The following ATP11A variants were observed in gnomAD, a reference collection of about 807,000 sequenced individuals.
ATP11A encodes the protein ATPase phospholipid transporting 11A.
ATP11A carries 81 observed loss-of-function variants against 154.4 expected under a neutral mutation model. The ratio of observed to expected loss-of-function variants is 0.52; its 90% CI spans 0.44 to 0.63. ATP11A has a LOEUF of 0.63. ATP11A is among the 30% of genes least tolerant of loss of function. The pLI is 0.00. For missense variants in ATP11A, 1,316 were observed against 1,474.3 expected (o/e 0.89, Z 1.76); for synonymous variants, 623 against 585.9 (o/e 1.06, Z -0.91).
intron 1 of ATP11A, among the ~76,000 whole-genome samples, chr13:112,780,223 TG>T (rs2077464025): frequency 6.6e-6 from 1 of 152,162 alleles, no homozygotes; most frequent in African/African-American, 2.4e-5. Context: ...TGGTTCCAAC[TG>T]GAAAATATTC....
Position 112,724,225 on chromosome 13 carries a change from C to T in ATP11A, c.39+33770C>T, listed in dbSNP as rs1373805340. On this transcript the variant is annotated intron_variant, in intron 1 of 29. Transcript: ENST00000375645. ...CATCGCCCCATTCCGACACTGCATGCCCTGAGTTCAAGTGGACCCCACAGG... is the reference window on the plus strand; with the variant it reads ...CATCGCCCCATTCCGACACTGCATGTCCTGAGTTCAAGTGGACCCCACAGG... 2.0e-5 allele frequency among the ~76,000 whole-genome samples: 3 copies of T among 150,474 alleles called. No homozygotes were observed. The East Asian group carries it at 6.0e-4, about 30-fold the overall frequency.
chr13:112,854,684 A>C (rs1162953775), intron 19 of ATP11A, among the ~76,000 whole-genome samples, 154 bp downstream of exon 19: 1 of 152,240 alleles, frequency 6.6e-6, no homozygotes, highest in Admixed American at 6.5e-5. Context: ...GGGTCAGGTG[A>C]ACACTGGGAA....
intron 15 of ATP11A, among the ~76,000 whole-genome samples, chr13:112,835,099 T>C (rs879651881): frequency 6.6e-6 from 1 of 152,256 alleles, no homozygotes; most frequent in Non-Finnish European, 1.5e-5. Flanking sequence ...CACAGCGTCG[T>C]GTCGAAAACA....
intron 1 of ATP11A, among the ~76,000 whole-genome samples, chr13:112,706,657 C>G (rs1887173363): frequency 6.6e-6 from 1 of 152,138 alleles, no homozygotes. Flanking sequence ...ATTGTTGGTT[C>G]TGTGAAAAAC....
intron 1 of ATP11A, among the ~76,000 whole-genome samples, chr13:112,710,960 C>A (rs61961120): frequency 5.8e-5 from 3 of 51,476 alleles, no homozygotes; most frequent in African/African-American, 1.1e-4. Flanking sequence ...GCCAACCACC[C>A]GGAGCCACCC....
intron 1 of ATP11A, among the ~76,000 whole-genome samples, chr13:112,749,543 G>A (rs1157643953): frequency 6.6e-6 from 1 of 152,222 alleles, no homozygotes; most frequent in South Asian, 2.1e-4. Flanking sequence ...CAGAAAAGAA[G>A]AGAAGACACA....
At chr13:112,825,769 T>C (rs903984178) in intron 11 of ATP11A, among the ~76,000 whole-genome samples, 189 bp downstream of exon 11, 1 of 152,254 alleles carries the variant, frequency 6.6e-6, no homozygotes, top group Non-Finnish European at 1.5e-5. Flanking sequence ...CCTGCCATCT[T>C]TGGATCTGGA....
At chr13:112,880,674 G>T in intron 29 of ATP11A, 1 of 1,276,090 alleles carries the variant, frequency 7.8e-7, no homozygotes, top group African/African-American at 1.5e-5. Flanking sequence ...GCTGGACGCC[G>T]CCCGTGTGCT....
chr13:112,859,395 C>T lies in ATP11A; in HGVS notation c.2670C>T (p.Asn890=), dbSNP rs150625424. ...SELVQYFFYK[N]VCFIFPQFLY... ...AACAGTTATGCCTTGCCTTTCAGAA[C>T]GTCTGCTTCATCTTCCCTCAGTTTT... Residue 890 remains asparagine (N), a splice_region_variant and synonymous_variant, in exon 23 of 30, where the codon AAC becomes AAT. Coordinates refer to ENST00000375645, the MANE Select transcript of ATP11A (RefSeq NM_015205.3). The surrounding 1 kb of genome is among the most constrained non-coding windows in gnomAD (Gnocchi z 4.3). 1,712 of 1,613,938 alleles carry T rather than the reference C, an allele frequency of 1.1e-3. 6 individuals carry two copies. The highest frequency in any genetic ancestry group is 7.3e-3 in the Middle Eastern group (44 of 6,062).
intron 1 of ATP11A, among the ~76,000 whole-genome samples, chr13:112,783,844 TTTC>T (rs1432887595): frequency 6.6e-6 from 1 of 152,314 alleles, no homozygotes; most frequent in African/African-American, 2.4e-5. Flanking sequence ...TGTTGAAATA[TTTC>T]TTGTCAGAGC....
rs573709637 is a variant in ATP11A, at chr13:112,868,095, C to G, written c.2992-3640C>G. Among the ~76,000 whole-genome samples the G allele has an allele frequency of 1.8e-3, 279 of 152,334 alleles. 2 individuals carry two copies. The highest frequency in any genetic ancestry group is 6.4e-3 in the African/African-American group (267 of 41,562). On this transcript the variant is annotated intron_variant, in intron 25 of 29. Transcript: ENST00000375645. ...GCCATAGTAACTTCTCATTTTGATG[C>G]CACAAATGAGAATGCGAAGACAACA...
chr13:112,797,701 AATAAAGAC>A (rs1383335621), intron 2 of ATP11A, among the ~76,000 whole-genome samples: 2 of 152,236 alleles, frequency 1.3e-5, no homozygotes, highest in African/African-American at 4.8e-5. Context: ...GTGAAGGAGA[AATAAAGAC>A]TTTTTCAGGC....
At chr13:112,698,163 C>T (rs1005466531) in intron 1 of ATP11A, among the ~76,000 whole-genome samples, 1 of 152,110 alleles carries the variant, frequency 6.6e-6, no homozygotes, top group Non-Finnish European at 1.5e-5. Context: ...CCACATTTCC[C>T]CACTTTTTTG....
chr13:112,834,766 C>A, intron 15 of ATP11A, 106 bp downstream of exon 15: 1 of 874,936 alleles, frequency 1.1e-6, no homozygotes, highest in Non-Finnish European at 1.8e-6. Context: ...TGTTCTCCCA[C>A]AATTCGCTTC....
At chr13:112,715,908 G>A (rs899103119) in intron 1 of ATP11A, among the ~76,000 whole-genome samples, 3 of 151,922 alleles carry the variant, frequency 2.0e-5, no homozygotes, top group South Asian at 4.2e-4. Flanking sequence ...TTAGAAATCC[G>A]ATCCCATTCC....
intron 24 of ATP11A, 49 bp downstream of exon 24, chr13:112,860,463 C>T: frequency 2.5e-6 from 4 of 1,606,816 alleles, no homozygotes; most frequent in Non-Finnish European, 3.4e-6. Context: ...AGTAACTAGG[C>T]AGCACTCTGG....
intron 1 of ATP11A, among the ~76,000 whole-genome samples, chr13:112,724,512 A>G (rs1180050511): frequency 6.6e-6 from 1 of 152,026 alleles, no homozygotes; most frequent in African/African-American, 2.4e-5. Flanking sequence ...AGAACCGTGT[A>G]TGTGCGGCAG....
intron 1 of ATP11A, among the ~76,000 whole-genome samples, chr13:112,712,372 G>T (rs1887859764): frequency 6.6e-6 from 1 of 152,182 alleles, no homozygotes; most frequent in African/African-American, 2.4e-5. Flanking sequence ...TTGGAGCTAG[G>T]TGGTGTCATT....
chr13:112,880,643 A>G, intron 29 of ATP11A: 2 of 1,293,840 alleles, frequency 1.5e-6, no homozygotes, highest in Non-Finnish European at 2.0e-6. Flanking sequence ...AGTTAGCTCC[A>G]CGCTAGGTAA....
Sources: allele counts gnomAD v4.1 joint callset (sites outside exome capture counted in the v4.1 genomes callset), GRCh38; gene constraint gnomAD v4.1.1; non-coding constraint Gnocchi (gnomAD v3.1); transcripts MANE v1.5; gene names NCBI Gene and HGNC (gene_info 2026-07-23, HGNC 2026-07-21).